ARIH1: variants seen among roughly 807,000 people sequenced by gnomAD.
ARIH1 encodes the protein E3 ubiquitin-protein ligase ARIH1.
In ARIH1, 8 loss-of-function variants were observed where a neutral mutation model predicts 85.0. That is an observed-to-expected ratio of 0.09 (90% CI 0.06 to 0.17). ARIH1 has a LOEUF of 0.17. ARIH1 is among the 10% of genes least tolerant of loss of function. ARIH1 has a pLI of 1.00. For missense variants in ARIH1, 311 were observed against 718.1 expected (o/e 0.43, Z 6.48); for synonymous variants, 238 against 253.6 (o/e 0.94, Z 0.59).
intron 12 of ARIH1, 179 bp from the exon 13 acceptor site, chr15:72,581,896 G>A: frequency 2.3e-6 from 1 of 431,116 alleles, no homozygotes; most frequent in South Asian, 5.9e-5. Context: ...AAATTGTTCT[G>A]GAAAAGAACA....
intron 2 of ARIH1, among the ~76,000 whole-genome samples, chr15:72,537,199 T>C (rs574378993): frequency 5.3e-5 from 8 of 152,284 alleles, no homozygotes; most frequent in African/African-American, 1.9e-4. Flanking sequence ...GTTTTTGTTC[T>C]TTGGAATTCT....
intron 5 of ARIH1, among the ~76,000 whole-genome samples, chr15:72,556,250 C>G (rs1166053263): frequency 6.6e-6 from 1 of 152,168 alleles, no homozygotes; most frequent in Non-Finnish European, 1.5e-5. Flanking sequence ...GCAAGGTAAA[C>G]AGCAGGAGCA....
At position 72,597,786 on chromosome 15, in the gene ARIH1, C is replaced by T. The variant is rs1167378700; in HGVS notation, c.*14494C>T. 2 of 152,176 alleles carry T rather than the reference C, an allele frequency of 1.3e-5. No individual in the cohort carries two copies. Among genetic ancestry groups the T allele is most frequent in the Non-Finnish European group, 2.9e-5 (2 of 68,074 alleles). The allele number at this position is 152,176 out of a possible 1,614,324, so 9.4% of individuals were successfully genotyped here. ...ATCTAGGTTCTAATGTCAAACCAGC[C>T]TCCAAGGGGTTGTGAAAATGTTGTT... is the stretch of plus-strand genomic sequence containing the variant. On this transcript the variant is annotated 3_prime_UTR_variant, in exon 14 of 14. Coordinates refer to ENST00000379887, the MANE Select transcript of ARIH1 (RefSeq NM_005744.5).
At chr15:72,536,351 C>T (rs1235036877) in intron 2 of ARIH1, among the ~76,000 whole-genome samples, 1 of 152,210 alleles carries the variant, frequency 6.6e-6, no homozygotes, top group African/African-American at 2.4e-5. Context: ...CCAGCTTGTC[C>T]TCCCACAGTG....
At position 72,474,714 on chromosome 15, in the gene ARIH1, G is replaced by A; in HGVS notation, c.75G>A (p.Glu25=). 2 of 1,527,630 alleles carry A rather than the reference G, an allele frequency of 1.3e-6. No homozygotes were observed. The highest frequency in any genetic ancestry group is 1.8e-6 in the Non-Finnish European group (2 of 1,135,440). The allele number at this position is 1,527,630 out of a possible 1,614,324, so 94.6% of individuals were successfully genotyped here. The part of the protein sequence containing the change: ...EECSEEDSGA[E]EEEDEDDDEP... Reference sequence around the variant, plus strand: ...GCAGTGAGGAGGACAGCGGCGCCGAGGAGGAGGAGGACGAAGACGACGACG... The same window carrying A: ...GCAGTGAGGAGGACAGCGGCGCCGAAGAGGAGGAGGACGAAGACGACGACG... Residue 25 remains glutamate, a synonymous_variant, in exon 1 of 14, where the codon GAG becomes GAA. Transcript: ENST00000379887.
Position 72,602,397 on chromosome 15 carries a change from T to G in ARIH1, c.*19105T>G, listed in dbSNP as rs1470164499. On this transcript the variant is annotated 3_prime_UTR_variant, in exon 14 of 14. Transcript: ENST00000379887. Reference sequence around the variant, plus strand: ...TGCATGTTTTTTTTCCTTGCACAGTTATATTTTCATATGTTAAAGAGCCAT... The same window carrying G: ...TGCATGTTTTTTTTCCTTGCACAGTGATATTTTCATATGTTAAAGAGCCAT... The G allele has an allele frequency of 6.6e-6, 1 of 152,258 alleles. No homozygotes were observed. The highest frequency in any genetic ancestry group is 1.5e-5 in the Non-Finnish European group (1 of 68,046). 9.4% of individuals were successfully genotyped at this position (152,258 alleles called of 1,614,324 possible).
intron 3 of ARIH1, among the ~76,000 whole-genome samples, chr15:72,552,977 T>A (rs1442042130): frequency 6.6e-6 from 1 of 151,282 alleles, no homozygotes; most frequent in Admixed American, 6.6e-5. Flanking sequence ...ATTTTGCCAT[T>A]TTGGCCAGGC....
intron 11 of ARIH1, among the ~76,000 whole-genome samples, chr15:72,578,942 G>T (rs571635533): frequency 6.7e-6 from 1 of 148,978 alleles, no homozygotes; most frequent in South Asian, 2.1e-4. Context: ...ATGCCACCAC[G>T]CCCAGCTAAT....
intron 11 of ARIH1, among the ~76,000 whole-genome samples, chr15:72,576,591 T>G (rs2140438455): frequency 6.6e-6 from 1 of 152,024 alleles, no homozygotes; most frequent in Admixed American, 6.6e-5. Context: ...AATCAGGTAT[T>G]GGAAATACTT....
intron 6 of ARIH1, among the ~76,000 whole-genome samples, 181 bp from the exon 7 acceptor site, chr15:72,563,213 G>A (rs1209465849): frequency 6.6e-6 from 1 of 152,066 alleles, no homozygotes; most frequent in Non-Finnish European, 1.5e-5. Context: ...ACCATGCCTG[G>A]CTAAATTCTT....
In ARIH1 at chr15:72,601,876, C is replaced by T. The variant is rs553499994; in HGVS notation, c.*18584C>T. The T allele has an allele frequency of 6.6e-6, 1 of 152,316 alleles. No individual in the cohort carries two copies. The highest frequency in any genetic ancestry group is 2.4e-5 in the African/African-American group (1 of 41,560). The allele number at this position is 152,316 out of a possible 1,614,324, so 9.4% of individuals were successfully genotyped here. On this transcript the variant is annotated 3_prime_UTR_variant, in exon 14 of 14. Coordinates refer to ENST00000379887, the MANE Select transcript of ARIH1 (RefSeq NM_005744.5). ...AACCACTTTTAGCATTTTGAATATC[C>T]TTCCAGAAATATTTTCTAAGTATAC...
At chr15:72,527,904 A>G (rs367938987) in intron 2 of ARIH1, among the ~76,000 whole-genome samples, 6 of 152,276 alleles carry the variant, frequency 3.9e-5, no homozygotes, top group African/African-American at 1.4e-4. Flanking sequence ...CGCAGTTCCT[A>G]ATATATAGCC....
chr15:72,578,770 A>G (rs566766855), intron 11 of ARIH1, among the ~76,000 whole-genome samples: 27 of 151,746 alleles, frequency 1.8e-4, no homozygotes, highest in African/African-American at 6.5e-4. Context: ...TCTATTGTTC[A>G]AATATCCCCA....
chr15:72,566,692 C>T, intron 8 of ARIH1, 87 bp downstream of exon 8: 1 of 1,187,984 alleles, frequency 8.4e-7, no homozygotes, highest in Non-Finnish European at 1.2e-6. Context: ...ATTTTGTTAT[C>T]TATCTATTGA....
At chr15:72,485,978 C>G (rs1419519899) in intron 1 of ARIH1, among the ~76,000 whole-genome samples, 4 of 151,954 alleles carry the variant, frequency 2.6e-5, no homozygotes, top group Non-Finnish European at 1.5e-5. Context: ...TAGTGGTGGT[C>G]CTTGCATTAT....
chr15:72,498,871 A>G (rs2063890935), intron 1 of ARIH1, among the ~76,000 whole-genome samples: 2 of 151,958 alleles, frequency 1.3e-5, no homozygotes, highest in South Asian at 2.1e-4. Flanking sequence ...GAACTCTTCA[A>G]ATTTTTATTA....
chr15:72,576,255 C>T (rs111939666), intron 11 of ARIH1, among the ~76,000 whole-genome samples: 10,351 of 152,004 alleles, frequency 0.068, 529 homozygotes, highest in East Asian at 0.16. Flanking sequence ...CCTGTAATCC[C>T]AGCACTTTGG....
chr15:72,476,693 T>A (rs2063796411), intron 1 of ARIH1, among the ~76,000 whole-genome samples: 1 of 152,074 alleles, frequency 6.6e-6, no homozygotes, highest in Admixed American at 6.6e-5. Flanking sequence ...AAAAATCTGA[T>A]TAGGTAAGAA....
chr15:72,528,814 T>C (rs956324337), intron 2 of ARIH1, among the ~76,000 whole-genome samples: 2 of 151,880 alleles, frequency 1.3e-5, no homozygotes, highest in African/African-American at 4.8e-5. Flanking sequence ...ATCATGTCAC[T>C]GTACTCTAGC....
Sources: gnomAD v4.1 joint callset for allele counts (sites outside exome capture counted in the v4.1 genomes callset) on GRCh38, gnomAD v4.1.1 for gene constraint, MANE v1.5 for transcripts, NCBI Gene and HGNC (gene_info 2026-07-23, HGNC 2026-07-21) for gene names.